Variants in SETBP1 observed in about 807,000 individuals in gnomAD.
The protein encoded by SETBP1 is SET binding protein 1, also known as SET-binding protein.
Under a neutral mutation model 101.0 loss-of-function variants are expected in SETBP1, and 9 were observed. The observed-to-expected ratio is 0.09, with a 90% CI of 0.05 to 0.16. SETBP1 has a LOEUF of 0.16. Ranked by LOEUF, SETBP1 falls within the 10% of genes least tolerant of loss-of-function variation. The probability of loss-of-function intolerance (pLI) is 1.00; values close to 1 mark genes in which losing one functional copy is unlikely to be tolerated. For synonymous variants in SETBP1, 818 were observed against 788.5 expected, an observed-to-expected ratio of 1.04 and a Z score of -0.63; for missense variants, 1,858 against 2,033.8, an observed-to-expected ratio of 0.91 and a Z score of 1.66.
intron 2 of SETBP1, among the ~76,000 whole-genome samples, chr18:44,865,987 A>T (rs567528529): frequency 5.3e-5 from 8 of 152,310 alleles, no homozygotes; most frequent in Non-Finnish European, 1.0e-4. Context: ...GTATCCTCCC[A>T]CACATCATCA....
chr18:44,953,275 A>C lies in SETBP1; in HGVS notation c.3935A>C (p.Lys1312Thr). ...SYEGFGTYREKDIQAFKMNRK... is the reference protein window; with the variant it reads ...SYEGFGTYRETDIQAFKMNRK... Reference sequence around the variant, plus strand: ...GAAGGCTTTGGAACGTACAGGGAAAAGGACATCCAAGCCTTCAAGATGAAC... The same window carrying C: ...GAAGGCTTTGGAACGTACAGGGAAACGGACATCCAAGCCTTCAAGATGAAC... Residue 1312 changes from lysine to threonine, a missense_variant, in exon 4 of 6, where the codon AAG becomes ACG. This residue lies in a region of SETBP1 where 417 missense variants were observed against 389.1 expected (regional missense o/e 1.07). Coordinates refer to ENST00000649279, the MANE Select transcript of SETBP1 (RefSeq NM_015559.3). The C allele has an allele frequency of 1.2e-6, 2 of 1,614,090 alleles. No homozygotes were observed. The highest frequency in any genetic ancestry group is 2.2e-5 in the South Asian group (2 of 91,072).
intron 1 of SETBP1, among the ~76,000 whole-genome samples, chr18:44,682,906 G>T (rs2068782868): frequency 1.3e-5 from 2 of 152,180 alleles, no homozygotes; most frequent in Non-Finnish European, 2.9e-5. Flanking sequence ...TGAGCTGGGG[G>T]AGGAGGTGGT....
At chr18:44,894,204 C>T (rs1262099797) in intron 3 of SETBP1, among the ~76,000 whole-genome samples, 1 of 152,150 alleles carries the variant, frequency 6.6e-6, no homozygotes, top group Non-Finnish European at 1.5e-5. Flanking sequence ...AGTTGTTCGC[C>T]AGAACCAGCC....
At chr18:44,830,553 G>C (rs1238006715) in intron 2 of SETBP1, among the ~76,000 whole-genome samples, 1 of 152,164 alleles carries the variant, frequency 6.6e-6, no homozygotes, top group Non-Finnish European at 1.5e-5. Context: ...GGAGTTTCCT[G>C]TCTCTTTTTT....
At chr18:44,716,879 G>A (rs1383026314) in intron 2 of SETBP1, among the ~76,000 whole-genome samples, 1 of 152,144 alleles carries the variant, frequency 6.6e-6, no homozygotes, top group Admixed American at 6.5e-5. Flanking sequence ...TCATTCTTTT[G>A]TGGAACCCCT....
At chr18:44,810,897 G>A (rs1373780544) in intron 2 of SETBP1, among the ~76,000 whole-genome samples, 2 of 152,196 alleles carry the variant, frequency 1.3e-5, no homozygotes, top group Non-Finnish European at 2.9e-5. Flanking sequence ...ATGTCATGCA[G>A]AATTATATCC....
chr18:45,058,361 C>G (rs567827927), intron 5 of SETBP1, among the ~76,000 whole-genome samples: 8 of 152,328 alleles, frequency 5.3e-5, no homozygotes, highest in African/African-American at 1.9e-4. Flanking sequence ...CCTGCCAAGT[C>G]TGAAGTTCTC....
chr18:44,782,227 A>G (rs769761797), intron 2 of SETBP1, among the ~76,000 whole-genome samples: 7 of 152,198 alleles, frequency 4.6e-5, no homozygotes, highest in Non-Finnish European at 1.0e-4. Flanking sequence ...TTAAGGAGAG[A>G]GAAAGGGAAT....
At chr18:44,926,864 G>C (rs1292654925) in intron 3 of SETBP1, among the ~76,000 whole-genome samples, 1 of 152,216 alleles carries the variant, frequency 6.6e-6, no homozygotes, top group Non-Finnish European at 1.5e-5. Context: ...TTTCCTTGGA[G>C]GTCGGTTCAA....
At chr18:44,983,029 C>T (rs1343346444) in intron 4 of SETBP1, among the ~76,000 whole-genome samples, 2 of 152,110 alleles carry the variant, frequency 1.3e-5, no homozygotes, top group African/African-American at 4.8e-5. Context: ...CACCGAAAAC[C>T]CCTGTCTAAT....
intron 3 of SETBP1, among the ~76,000 whole-genome samples, chr18:44,927,315 A>G (rs546342119): frequency 2.0e-4 from 30 of 152,280 alleles, no homozygotes; most frequent in African/African-American, 7.0e-4. Context: ...TCACCATTCC[A>G]TGACAGCAAC....
chr18:44,755,873 G>A (rs1371585440), intron 2 of SETBP1, among the ~76,000 whole-genome samples: 1 of 152,100 alleles, frequency 6.6e-6, no homozygotes, highest in African/African-American at 2.4e-5. Context: ...TCACTCTGTG[G>A]TTCTTCTGTG....
rs774011851 is a variant in SETBP1 at position 44,869,626 on chromosome 18, C to A, written c.540+343C>A. 34 of 358,448 alleles carry A rather than the reference C, an allele frequency of 9.5e-5. No homozygotes were observed. In the East Asian group the frequency reaches 2.4e-3, roughly 25 times the overall value. 22.2% of individuals were successfully genotyped at this position (358,448 alleles called of 1,614,324 possible). A position where few individuals can be genotyped will look rare whatever the true frequency, so the allele number is the denominator to read the frequency against. Reference sequence around the variant, plus strand: ...GGGTTGGGTTTGGGGTTCTCCCCTGCATTTCTCTCTTTTTGGACAGGACAC... The same window carrying A: ...GGGTTGGGTTTGGGGTTCTCCCCTGAATTTCTCTCTTTTTGGACAGGACAC... On this transcript the variant is annotated intron_variant, in intron 3 of 5. Coordinates refer to ENST00000649279, the MANE Select transcript of SETBP1 (RefSeq NM_015559.3).
intron 2 of SETBP1, among the ~76,000 whole-genome samples, chr18:44,825,434 C>A (rs954231514): frequency 6.6e-6 from 1 of 152,082 alleles, no homozygotes; most frequent in African/African-American, 2.4e-5. Context: ...GAAAAAGGCA[C>A]ACAATTTTTC....
intron 2 of SETBP1, among the ~76,000 whole-genome samples, chr18:44,857,976 C>T (rs147474765): frequency 9.2e-5 from 14 of 152,180 alleles, no homozygotes; most frequent in African/African-American, 2.9e-4. Context: ...TTGTATGAGA[C>T]GCAAATACAC....
intron 2 of SETBP1, among the ~76,000 whole-genome samples, chr18:44,744,384 C>T (rs1349932406): frequency 6.6e-6 from 1 of 152,248 alleles, no homozygotes; most frequent in African/African-American, 2.4e-5. Flanking sequence ...CAGATGAGTA[C>T]CCTGAGGGGC....
chr18:44,902,174 T>C (rs577973186), intron 3 of SETBP1, among the ~76,000 whole-genome samples: 1 of 152,092 alleles, frequency 6.6e-6, no homozygotes, highest in African/African-American at 2.4e-5. Flanking sequence ...AATAGTGCCA[T>C]CATTTGAACA....
chr18:44,948,527 A>AGATAGATAGATG (rs2145085693), intron 3 of SETBP1, among the ~76,000 whole-genome samples: 1 of 152,034 alleles, frequency 6.6e-6, no homozygotes, highest in East Asian at 1.9e-4. Flanking sequence ...ATAGATAGAT[A>AGATAGATAGATG]GATGATAGAT....
rs376964078 is a variant in SETBP1, at chr18:44,701,313, C to G, written c.-34C>G. 8.2e-6 allele frequency: 12 copies of G among 1,454,960 alleles called. No individual in the cohort carries two copies. Among genetic ancestry groups the G allele is most frequent in the Non-Finnish European group, 3.6e-6 (4 of 1,101,308 alleles). 90.1% of individuals were successfully genotyped at this position (1,454,960 alleles called of 1,614,324 possible). A position where few individuals can be genotyped will look rare whatever the true frequency, so the allele number is the denominator to read the frequency against. ...TCCCTTTTCCCTTTTCCCCTTCCCCCTCCTGAGAACTCCGGAAGACTGTAG... is the reference window on the plus strand; with the variant it reads ...TCCCTTTTCCCTTTTCCCCTTCCCCGTCCTGAGAACTCCGGAAGACTGTAG... On this transcript the variant is annotated 5_prime_UTR_variant, in exon 2 of 6. Coordinates refer to ENST00000649279, the MANE Select transcript of SETBP1 (RefSeq NM_015559.3).
Sources: allele counts gnomAD v4.1 joint callset (sites outside exome capture counted in the v4.1 genomes callset), GRCh38; gene constraint gnomAD v4.1.1; regional missense constraint gnomAD v4.1.1; transcripts MANE v1.5; gene names NCBI Gene and HGNC (gene_info 2026-07-23, HGNC 2026-07-21).